Variants in CSMD1 observed in about 807,000 individuals in gnomAD.
CSMD1 encodes CUB and sushi domain-containing protein 1.
Under a neutral mutation model 417.5 loss-of-function variants are expected in CSMD1, and 213 were observed. That is an observed-to-expected ratio of 0.51 (90% CI 0.46 to 0.57). CSMD1 has a LOEUF of 0.57. Among genes scored for constraint, CSMD1 ranks in the 20% least tolerant of loss-of-function variants. The pLI is 0.00. For synonymous variants in CSMD1, 2,862 were observed against 1,736.8 expected (o/e 1.65, Z -16.11); for missense variants, 6,923 against 4,529.7 (o/e 1.53, Z -15.17).
At chr8:4,709,504 C>T (rs564216492) in intron 1 of CSMD1, among the ~76,000 whole-genome samples, 4 of 152,362 alleles carry the variant, frequency 2.6e-5, no homozygotes, top group South Asian at 4.1e-4. Context: ...GTGCCACCTT[C>T]CTCAGGCTGA....
chr8:4,292,988 T>C (rs74603320), intron 3 of CSMD1, among the ~76,000 whole-genome samples: 32 of 152,266 alleles, frequency 2.1e-4, no homozygotes, highest in African/African-American at 7.2e-4. Context: ...AACAGTCTCT[T>C]TTCTTCAGGT....
At chr8:3,722,630 C>T (rs1802252383) in intron 6 of CSMD1, among the ~76,000 whole-genome samples, 1 of 152,132 alleles carries the variant, frequency 6.6e-6, no homozygotes, top group Non-Finnish European at 1.5e-5. Flanking sequence ...ATTAGTAAAA[C>T]TGTTTGGTCC....
At chr8:3,847,373 T>G (rs1250987464) in intron 5 of CSMD1, among the ~76,000 whole-genome samples, 1 of 152,114 alleles carries the variant, frequency 6.6e-6, no homozygotes, top group Non-Finnish European at 1.5e-5. Context: ...AGTGGTCCCC[T>G]CCTGCTGGCC....
intron 5 of CSMD1, among the ~76,000 whole-genome samples, chr8:3,975,177 C>T (rs1011067731): frequency 6.6e-6 from 1 of 152,190 alleles, no homozygotes; most frequent in Admixed American, 6.5e-5. Flanking sequence ...GTATGATTTT[C>T]ATTCAGCATC....
At chr8:3,534,398 A>T (rs1798105183) in intron 10 of CSMD1, among the ~76,000 whole-genome samples, 1 of 151,890 alleles carries the variant, frequency 6.6e-6, no homozygotes, top group Admixed American at 6.6e-5. Context: ...ACTCAGTTTA[A>T]TGCCTCTTGA....
At chr8:4,094,694 G>T (rs11136700) in intron 3 of CSMD1, among the ~76,000 whole-genome samples, 10 of 152,042 alleles carry the variant, frequency 6.6e-5, no homozygotes, top group Non-Finnish European at 1.2e-4. Context: ...GAGAGGAAAC[G>T]CCGGCTTCTA....
intron 25 of CSMD1, among the ~76,000 whole-genome samples, chr8:3,293,640 T>C (rs1444629150): frequency 2.6e-5 from 4 of 152,236 alleles, no homozygotes; most frequent in Non-Finnish European, 5.9e-5. Context: ...GCTTGTGCAT[T>C]TGTCACGTAG....
intron 18 of CSMD1, among the ~76,000 whole-genome samples, chr8:3,372,063 G>A (rs1319886823): frequency 6.6e-6 from 1 of 152,134 alleles, no homozygotes; most frequent in Non-Finnish European, 1.5e-5. Context: ...CAACATAAAA[G>A]GCAGATGATA....
chr8:4,050,244 G>C (rs937653823), intron 3 of CSMD1, among the ~76,000 whole-genome samples: 10 of 152,046 alleles, frequency 6.6e-5, no homozygotes, highest in African/African-American at 2.4e-4. Flanking sequence ...ATAAACTTCT[G>C]TATTTTTACT....
rs141474624 is a variant in CSMD1 at position 4,032,166 on chromosome 8, T to C, written c.416-67A>G. 8.1e-4 allele frequency: 902 copies of C among 1,117,162 alleles called. 11 individuals carry two copies. The African/African-American group carries it at 0.013, about 16-fold the overall frequency. The allele number at this position is 1,117,162 out of a possible 1,614,324, so 69.2% of individuals were successfully genotyped here. ...TTTCCATGGAGAGCCACTTATAAGA[T>C]AAAACAGACACCATTTTTGAATTAT... On this transcript the variant is annotated intron_variant, in intron 3 of 69. Coordinates refer to ENST00000635120, the MANE Select transcript of CSMD1 (RefSeq NM_033225.6).
intron 5 of CSMD1, among the ~76,000 whole-genome samples, chr8:3,852,961 G>A (rs1390900708): frequency 7.2e-5 from 11 of 152,056 alleles, no homozygotes; most frequent in Non-Finnish European, 1.6e-4. Context: ...TATTTGCACC[G>A]CTTTATGGCA....
intron 3 of CSMD1, among the ~76,000 whole-genome samples, chr8:4,189,149 C>G (rs887714652): frequency 2.6e-5 from 4 of 152,232 alleles, no homozygotes; most frequent in East Asian, 1.9e-4. Context: ...TGTGAGTCAT[C>G]TCTGAGTTCA....
At chr8:4,943,268 G>T (rs546167060) in intron 1 of CSMD1, among the ~76,000 whole-genome samples, 1 of 152,046 alleles carries the variant, frequency 6.6e-6, no homozygotes, top group East Asian at 1.9e-4. Flanking sequence ...GGCCCAGGCG[G>T]GCAGATCACG....
Position 3,091,631 on chromosome 8 carries a change from G to T in CSMD1, c.7170C>A (p.Val2390=), listed in dbSNP as rs375955056. ...ATTGTTCAGTATGATTCCCACTTAA[G>T]ACTACTAGCAGAGGACTTTGCCCAG... The part of the protein sequence containing the change: ...GSSGQSPLLV[V]LSGNHTEQSN... Residue 2390 remains valine (V), a synonymous_variant, in exon 48 of 70, where the codon GTC becomes GTA. Coordinates refer to ENST00000635120, the MANE Select transcript of CSMD1 (RefSeq NM_033225.6). 9.9e-6 allele frequency: 16 copies of T among 1,611,090 alleles called. No individual in the cohort carries two copies. Among genetic ancestry groups the T allele is most frequent in the Non-Finnish European group, 5.9e-6 (7 of 1,179,352 alleles).
chr8:3,935,019 C>T (rs909328594), intron 5 of CSMD1, among the ~76,000 whole-genome samples: 41 of 152,156 alleles, frequency 2.7e-4, no homozygotes, highest in African/African-American at 7.5e-4. Flanking sequence ...CATGGAGTAT[C>T]TGAACTCCAA....
intron 6 of CSMD1, among the ~76,000 whole-genome samples, chr8:3,734,710 CA>C (rs935734796): frequency 1.3e-5 from 2 of 152,042 alleles, no homozygotes; most frequent in Non-Finnish European, 2.9e-5. Context: ...GATTTTGTCT[CA>C]AAAAAATAAG....
intron 7 of CSMD1, among the ~76,000 whole-genome samples, chr8:3,642,175 T>C (rs59478605): frequency 0.012 from 1,817 of 151,422 alleles, 32 homozygotes; most frequent in African/African-American, 0.042. Context: ...ATAATATTTA[T>C]ACATAATATA....
intron 3 of CSMD1, among the ~76,000 whole-genome samples, chr8:4,409,879 T>C (rs968186997): frequency 6.6e-6 from 1 of 152,092 alleles, no homozygotes; most frequent in South Asian, 2.1e-4. Flanking sequence ...AATGGTGCAA[T>C]CTTGGCTCAC....
chr8:4,805,899 C>T (rs796156362), intron 1 of CSMD1, among the ~76,000 whole-genome samples: 11 of 152,242 alleles, frequency 7.2e-5, no homozygotes, highest in African/African-American at 2.6e-4. Context: ...TTCATGGTGA[C>T]TCAAATGCGA....
Sources: allele counts gnomAD v4.1 joint callset (sites outside exome capture counted in the v4.1 genomes callset), GRCh38; gene constraint gnomAD v4.1.1; transcripts MANE v1.5; gene names NCBI Gene and HGNC (gene_info 2026-07-23, HGNC 2026-07-21).